Variants in CFAP57 observed in about 807,000 individuals in gnomAD.
CFAP57 encodes the protein cilia- and flagella-associated protein 57.
In CFAP57, 116 loss-of-function variants were observed where a neutral mutation model predicts 146.8. That is an observed-to-expected ratio of 0.79 (90% confidence interval 0.68 to 0.92). CFAP57 has a LOEUF of 0.92. Among genes scored for constraint, CFAP57 ranks in the 40% least tolerant of loss-of-function variants. The pLI is 0.00. For synonymous variants in CFAP57, 518 were observed against 552.8 expected, an observed-to-expected ratio of 0.94 and a Z score of 0.88; for missense variants, 1,377 against 1,527.2, an observed-to-expected ratio of 0.90 and a Z score of 1.64.
chr1:43,215,276 C>T lies in CFAP57; in HGVS notation c.1951C>T (p.Gln651Ter). The change falls in exon 12 of 23, where the codon CAG (glutamine) becomes TAG (stop). Residue 651 changes from glutamine (Q) to a stop codon, truncating the protein, a stop_gained. Transcript: ENST00000372492. LOFTEE classifies it high-confidence loss of function. ...TCAGATGTTGCTTACCTTTGATGAT[C>T]AGTTCCTGCTGACTGCTGCTGAGGA... ...ITKMLLTFDDQFLLTAAEDGC... is the reference protein window; with the variant it reads ...ITKMLLTFDD The T allele has an allele frequency of 6.4e-7, 1 of 1,551,206 alleles. No homozygotes were observed. The highest frequency in any genetic ancestry group is 8.7e-7 in the Non-Finnish European group (1 of 1,147,082).
intron 22 of CFAP57, among the ~76,000 whole-genome samples, chr1:43,247,290 C>T (rs1020880152): frequency 1.3e-5 from 2 of 152,196 alleles, no homozygotes; most frequent in African/African-American, 2.4e-5. Flanking sequence ...TCAGTCTACC[C>T]TGGAGACTAC....
At chr1:43,225,705 T>C (rs1283230974) in intron 17 of CFAP57, among the ~76,000 whole-genome samples, 1 of 152,238 alleles carries the variant, frequency 6.6e-6, no homozygotes, top group East Asian at 1.9e-4. Flanking sequence ...TAGGCTTAGA[T>C]TTGCTTCTGT....
chr1:43,232,351 T>C (rs41269535), intron 18 of CFAP57, among the ~76,000 whole-genome samples, 157 bp from the exon 19 acceptor site: 5,474 of 152,192 alleles, frequency 0.036, 128 homozygotes, highest in Admixed American at 0.045. Context: ...GGAAAGCAAG[T>C]AGAAGAAAGG....
At chr1:43,189,290 G>A (rs1225262535) in intron 6 of CFAP57, among the ~76,000 whole-genome samples, 13 of 152,190 alleles carry the variant, frequency 8.5e-5, no homozygotes, top group Admixed American at 3.3e-4. Flanking sequence ...AGCCATCTGG[G>A]ATCCTCACCG....
At chr1:43,240,889 C>T (rs1160779161) in intron 21 of CFAP57, among the ~76,000 whole-genome samples, 2 of 152,192 alleles carry the variant, frequency 1.3e-5, no homozygotes, top group African/African-American at 4.8e-5. Flanking sequence ...GGCTGGAGTG[C>T]AGTGGCACGA....
intron 11 of CFAP57, among the ~76,000 whole-genome samples, chr1:43,211,058 G>C (rs993927622): frequency 1.3e-5 from 2 of 151,962 alleles, no homozygotes; most frequent in African/African-American, 4.8e-5. Context: ...CAGCACCTGA[G>C]GTTTTGAGTT....
intron 9 of CFAP57, among the ~76,000 whole-genome samples, chr1:43,202,874 A>G (rs1484098463): frequency 6.6e-6 from 1 of 151,610 alleles, no homozygotes; most frequent in Non-Finnish European, 1.5e-5. Context: ...ACAAATTCCT[A>G]TAAAAATTGA....
intron 4 of CFAP57, chr1:43,184,740 C>CTTTTTTTTTTTT (rs57644418): frequency 3.0e-5 from 3 of 101,324 alleles, no homozygotes; most frequent in African/African-American, 5.5e-5. Flanking sequence ...ATGGCATATC[C>CTTTTTTTTTTTT]TTTTTTTTTT....
At chr1:43,217,944 TGCCATATCACATGCAGTGAGTGCCCTG>T (rs531818775) in intron 12 of CFAP57, among the ~76,000 whole-genome samples, 54 of 152,328 alleles carry the variant, frequency 3.5e-4, no homozygotes, top group Non-Finnish European at 5.4e-4. Context: ...ATCCAACCTG[TGCCATATCACATGCAGTGAGTGCCCTG>T]GCCAGGCATT....
At chr1:43,249,006 C>A (rs534456887) in intron 22 of CFAP57, among the ~76,000 whole-genome samples, 11 of 151,334 alleles carry the variant, frequency 7.3e-5, no homozygotes, top group African/African-American at 1.9e-4. Flanking sequence ...CTCAGCCTCC[C>A]GAGCAGCTGG....
At chr1:43,205,599 G>A (rs1182828473) in intron 9 of CFAP57, among the ~76,000 whole-genome samples, 2 of 152,360 alleles carry the variant, frequency 1.3e-5, no homozygotes, top group African/African-American at 2.4e-5. Context: ...TTAGGGCACA[G>A]TTATTCTCAG....
At chr1:43,231,933 C>G in intron 18 of CFAP57, 1 of 495,004 alleles carries the variant, frequency 2.0e-6, no homozygotes, top group South Asian at 3.6e-5. Flanking sequence ...AGACAGGACA[C>G]TTCTCAGTTG....
intron 12 of CFAP57, among the ~76,000 whole-genome samples, chr1:43,216,230 A>G (rs907142379): frequency 2.6e-5 from 4 of 152,228 alleles, no homozygotes; most frequent in Non-Finnish European, 4.4e-5. Flanking sequence ...GCCCTGTGAC[A>G]TGACCAGGAA....
In CFAP57 at chr1:43,172,793, C is replaced by G. The variant is rs779198565; in HGVS notation, c.40C>G (p.Leu14Val). The G allele has an allele frequency of 6.2e-7, 1 of 1,614,146 alleles. No individual in the cohort carries two copies. Among genetic ancestry groups the G allele is most frequent in the Non-Finnish European group, 8.5e-7 (1 of 1,180,020 alleles). Reference sequence around the variant, plus strand: ...AGCTCAGACGCTGCATGTTTTTGGTCTTCGATCCCACGTGGCCAACAATAT... The same window carrying G: ...AGCTCAGACGCTGCATGTTTTTGGTGTTCGATCCCACGTGGCCAACAATAT... ...VVAQTLHVFG[L>V]RSHVANNIFY... The change falls in exon 2 of 23, where the codon CTT becomes GTT. Residue 14 changes from leucine to valine, a missense_variant. Coordinates refer to ENST00000372492, the MANE Select transcript of CFAP57 (RefSeq NM_001378189.1).
Position 43,224,154 on chromosome 1 carries a change from C to A in CFAP57, c.2815C>A (p.Gln939Lys). ...CATTAAGTCTCTGGAGAAGGACATC[C>A]AAGGCCTCAAGCGAGAGATCCAGGA... ...GVIKSLEKDIQGLKREIQERD... is the reference protein window; with the variant it reads ...GVIKSLEKDIKGLKREIQERD... The change falls in exon 17 of 23, where the codon CAA becomes AAA. Residue 939 changes from glutamine (Q) to lysine (K), a missense_variant. Physicochemically the swap from Gln to Lys is moderately conservative, Grantham distance 53. Coordinates refer to ENST00000372492, the MANE Select transcript of CFAP57 (RefSeq NM_001378189.1). The A allele has an allele frequency of 6.5e-7, 1 of 1,549,952 alleles. No homozygotes were observed. Among genetic ancestry groups the A allele is most frequent in the South Asian group, 1.2e-5 (1 of 83,992 alleles).
At chr1:43,190,854 A>G (rs1311741692) in intron 6 of CFAP57, among the ~76,000 whole-genome samples, 2 of 152,012 alleles carry the variant, frequency 1.3e-5, no homozygotes, top group African/African-American at 2.4e-5. Flanking sequence ...GTATATAATC[A>G]TTTTCATATT....
intron 9 of CFAP57, among the ~76,000 whole-genome samples, chr1:43,202,767 A>C (rs985005741): frequency 1.3e-5 from 2 of 151,000 alleles, no homozygotes; most frequent in African/African-American, 4.9e-5. Context: ...TGGGTAACAG[A>C]GTGAGACCCT....
In CFAP57 at chr1:43,222,164, A is replaced by G; in HGVS notation, c.2401A>G (p.Lys801Glu). The G allele has an allele frequency of 6.5e-7, 1 of 1,548,486 alleles. No individual in the cohort carries two copies. The highest frequency in any genetic ancestry group is 1.4e-5 in the African/African-American group (1 of 73,068). Residue 801 changes from lysine (K) to glutamate (E), a missense_variant, in exon 15 of 23, where the codon AAG (lysine) becomes GAG (glutamate). Coordinates refer to ENST00000372492, the MANE Select transcript of CFAP57 (RefSeq NM_001378189.1). The stretch of plus-strand genomic sequence containing the variant: ...TGAGAAGTACCAGGAGCTGCAGCTC[A>G]AGTCCCAGAGGATGCAGGAAGAGTA... ...EYEKYQELQL[K>E]SQRMQEEYEK...
At chr1:43,196,845 T>G (rs933745511) in intron 6 of CFAP57, among the ~76,000 whole-genome samples, 1 of 152,200 alleles carries the variant, frequency 6.6e-6, no homozygotes, top group African/African-American at 2.4e-5. Flanking sequence ...TCATACAATT[T>G]TTCCCAGTAT....
Sources: gnomAD v4.1 joint callset for allele counts (sites outside exome capture counted in the v4.1 genomes callset) on GRCh38, gnomAD v4.1.1 for gene constraint, MANE v1.5 for transcripts, NCBI Gene and HGNC (gene_info 2026-07-23, HGNC 2026-07-21) for gene names.